GRM7: variants seen among roughly 807,000 people sequenced by gnomAD.
GRM7 encodes the protein glutamate metabotropic receptor 7.
Under a neutral mutation model 84.5 loss-of-function variants are expected in GRM7, and 35 were observed. That is an observed-to-expected ratio of 0.41 (90% CI 0.32 to 0.55). GRM7 has a LOEUF of 0.55. Ranked by LOEUF, GRM7 falls within the 20% of genes least tolerant of loss-of-function variation. GRM7 has a pLI of 0.19. For missense variants in GRM7, 1,003 were observed against 1,194.6 expected (o/e 0.84, Z 2.36); for synonymous variants, 487 against 455.1 (o/e 1.07, Z -0.89).
chr3:7,650,552 T>G (rs1361519217), intron 8 of GRM7, among the ~76,000 whole-genome samples: 2 of 152,224 alleles, frequency 1.3e-5, no homozygotes, highest in Non-Finnish European at 2.9e-5. Flanking sequence ...GCAGAAGGAA[T>G]TCTGTTAGCT....
chr3:6,876,017 T>A (rs756325948), intron 1 of GRM7, among the ~76,000 whole-genome samples: 1 of 152,076 alleles, frequency 6.6e-6, no homozygotes, highest in Non-Finnish European at 1.5e-5. Flanking sequence ...CGTGTAACCA[T>A]AGCACTTTGG....
chr3:7,736,320 A>T (rs958107291), intron 9 of GRM7, among the ~76,000 whole-genome samples: 4 of 152,188 alleles, frequency 2.6e-5, no homozygotes, highest in African/African-American at 9.6e-5. Context: ...ATTGTCATTC[A>T]ACTTTGTTAA....
chr3:7,187,461 C>A (rs185007262), intron 2 of GRM7, among the ~76,000 whole-genome samples: 77 of 152,264 alleles, frequency 5.1e-4, no homozygotes, highest in Non-Finnish European at 9.6e-4. Flanking sequence ...CAAAGTAGGG[C>A]TTAGCCTTTG....
In GRM7 at chr3:6,861,418, C is replaced by G. The variant is rs749998857; in HGVS notation, c.30C>G (p.Val10=). 6 of 1,597,778 alleles carry G rather than the reference C, an allele frequency of 3.8e-6. No homozygotes were observed. The Admixed American group carries it at 1.0e-4, about 28-fold the overall frequency. The part of the protein sequence containing the change: MVQLRKLLR[V]LTLMKFPCCV... ...TCCAGCTGAGGAAGCTGCTCCGCGT[C>G]CTGACTTTGATGAAGTTCCCCTGCT... Residue 10 remains valine, a synonymous_variant, in exon 1 of 10, where the codon GTC becomes GTG. Transcript: ENST00000357716. The surrounding 1 kb of genome is among the most constrained non-coding windows in gnomAD (Gnocchi z 6.4).
intron 4 of GRM7, among the ~76,000 whole-genome samples, chr3:7,325,158 G>C (rs1700936437): frequency 6.6e-6 from 1 of 152,070 alleles, no homozygotes; most frequent in Non-Finnish European, 1.5e-5. Context: ...ATGAAGAGTG[G>C]GCCAGAGGTT....
intron 8 of GRM7, among the ~76,000 whole-genome samples, chr3:7,584,134 G>A (rs1695402220): frequency 6.6e-6 from 1 of 152,134 alleles, no homozygotes; most frequent in Admixed American, 6.6e-5. Flanking sequence ...AAAAGTGAGG[G>A]ACAGTGTTTT....
In GRM7 at chr3:7,449,270, T is replaced by C. The variant is rs563279559; in HGVS notation, c.1175-3337T>C. Reference sequence around the variant, plus strand: ...ATGAATAAAACATCTTGGCTAACTTTGCAAGAAACATTCAAAACCTATGTG... The same window carrying C: ...ATGAATAAAACATCTTGGCTAACTTCGCAAGAAACATTCAAAACCTATGTG... On this transcript the variant is annotated intron_variant, in intron 5 of 9. Coordinates refer to ENST00000357716, the MANE Select transcript of GRM7 (RefSeq NM_000844.4). Among the ~76,000 whole-genome samples, 32 of 152,212 alleles carry C rather than the reference T, an allele frequency of 2.1e-4. No homozygotes were observed. The South Asian group carries it at 6.4e-3, about 31-fold the overall frequency.
intron 3 of GRM7, among the ~76,000 whole-genome samples, chr3:7,300,802 C>A (rs756076310): frequency 1.3e-5 from 2 of 152,050 alleles, no homozygotes; most frequent in African/African-American, 4.8e-5. Flanking sequence ...GTGAATGGTG[C>A]CATTTTTATT....
intron 4 of GRM7, among the ~76,000 whole-genome samples, chr3:7,383,432 C>T (rs1175852478): frequency 6.6e-6 from 1 of 152,136 alleles, no homozygotes; most frequent in Admixed American, 6.5e-5. Context: ...AAAAATGAAA[C>T]TTGTAGAGCA....
chr3:7,665,895 C>T (rs1231530920), intron 8 of GRM7, among the ~76,000 whole-genome samples: 1 of 152,154 alleles, frequency 6.6e-6, no homozygotes, highest in Non-Finnish European at 1.5e-5. Flanking sequence ...CCGTTTTACT[C>T]ATTAGGACTT....
chr3:6,894,818 C>T (rs1344688153), intron 1 of GRM7, among the ~76,000 whole-genome samples: 1 of 152,114 alleles, frequency 6.6e-6, no homozygotes, highest in Non-Finnish European at 1.5e-5. Context: ...TATAATTAAA[C>T]ATGCAGTTGT....
At chr3:6,989,115 A>C (rs1694539375) in intron 1 of GRM7, among the ~76,000 whole-genome samples, 1 of 152,226 alleles carries the variant, frequency 6.6e-6, no homozygotes, top group Admixed American at 6.5e-5. Flanking sequence ...TCTGAAAGCA[A>C]CTATAAATTG....
chr3:7,170,970 A>G (rs1407813896), intron 2 of GRM7, among the ~76,000 whole-genome samples: 2 of 152,086 alleles, frequency 1.3e-5, no homozygotes, highest in Non-Finnish European at 2.9e-5. Flanking sequence ...CATGCTGCTC[A>G]TCACATCTGG....
intron 2 of GRM7, among the ~76,000 whole-genome samples, chr3:7,227,238 T>C (rs923508581): frequency 6.6e-6 from 1 of 152,238 alleles, no homozygotes; most frequent in Non-Finnish European, 1.5e-5. Context: ...TCATCATTTA[T>C]ATGAATCAAT....
At chr3:7,628,226 T>C (rs1007402071) in intron 8 of GRM7, among the ~76,000 whole-genome samples, 1 of 152,206 alleles carries the variant, frequency 6.6e-6, no homozygotes, top group Non-Finnish European at 1.5e-5. Context: ...TAGTAGCTAA[T>C]TGATTTGACA....
At chr3:7,165,685 G>A (rs1159850026) in intron 2 of GRM7, among the ~76,000 whole-genome samples, 2 of 152,138 alleles carry the variant, frequency 1.3e-5, no homozygotes, top group Non-Finnish European at 2.9e-5. Flanking sequence ...GGGAAAAAAT[G>A]TTAGCTAGGA....
intron 9 of GRM7, among the ~76,000 whole-genome samples, chr3:7,708,749 G>C (rs901753649): frequency 3.3e-5 from 5 of 152,062 alleles, no homozygotes; most frequent in African/African-American, 1.2e-4. Context: ...ATCTTCCCTA[G>C]CTCTCCCAGC....
chr3:7,001,071 C>A (rs1183854639), intron 1 of GRM7, among the ~76,000 whole-genome samples: 1 of 152,208 alleles, frequency 6.6e-6, no homozygotes, highest in African/African-American at 2.4e-5. Flanking sequence ...TAGCTGCTAA[C>A]CTAGCCATCC....
chr3:7,391,448 C>T (rs912525211), intron 4 of GRM7, among the ~76,000 whole-genome samples: 2 of 152,096 alleles, frequency 1.3e-5, no homozygotes, highest in African/African-American at 2.4e-5. Flanking sequence ...TCTGAGCAAA[C>T]TATCACAAGG....
Sources: allele counts gnomAD v4.1 joint callset (sites outside exome capture counted in the v4.1 genomes callset), GRCh38; gene constraint gnomAD v4.1.1; non-coding constraint Gnocchi (gnomAD v3.1); transcripts MANE v1.5; gene names NCBI Gene and HGNC (gene_info 2026-07-23, HGNC 2026-07-21).